MTOR: variants seen among roughly 807,000 people sequenced by gnomAD.
MTOR encodes serine/threonine-protein kinase mTOR.
In MTOR, 70 loss-of-function variants were observed where a neutral mutation model predicts 319.8. The ratio of observed to expected loss-of-function variants is 0.22; its 90% CI spans 0.18 to 0.27. The LOEUF is 0.27. Ranked by LOEUF, MTOR falls within the 10% of genes least tolerant of loss-of-function variation. MTOR has a pLI of 1.00. For missense variants in MTOR, 1,890 were observed against 3,274.4 expected, an observed-to-expected ratio of 0.58 and a Z score of 10.32; for synonymous variants, 1,183 against 1,211.4, an observed-to-expected ratio of 0.98 and a Z score of 0.49.
intron 28 of MTOR, among the ~76,000 whole-genome samples, chr1:11,188,128 C>T (rs183673850): frequency 3.9e-5 from 6 of 152,286 alleles, no homozygotes; most frequent in African/African-American, 7.2e-5. Flanking sequence ...GAAGGACCCA[C>T]GCTGACTACA....
Position 11,115,371 on chromosome 1 carries a change from T to C in MTOR, c.7089+25A>G, listed in dbSNP as rs1445397051. ...AAAGTGATCACCCGGGAAGATGAGG[T>C]TGGGGTTCTAGAACATGTGTTCACC... On this transcript the variant is annotated intron_variant, in intron 51 of 57. Coordinates refer to ENST00000361445, the MANE Select transcript of MTOR (RefSeq NM_004958.4). The surrounding 1 kb of genome is among the most constrained non-coding windows in gnomAD (Gnocchi z 4.5). The C allele has an allele frequency of 6.2e-7, 1 of 1,609,750 alleles. No individual in the cohort carries two copies. The highest frequency in any genetic ancestry group is 1.7e-5 in the Admixed American group (1 of 59,960).
Position 11,212,270 on chromosome 1 carries a change from A to G in MTOR, c.3561+42T>C, listed in dbSNP as rs1341184606. 12 of 1,567,686 alleles carry G rather than the reference A, an allele frequency of 7.7e-6. No homozygotes were observed. Among genetic ancestry groups the G allele is most frequent in the African/African-American group, 1.4e-5 (1 of 73,118 alleles). ...CTCACAGACAAAGTCTTCTTTCCAA[A>G]TAAGGCAGAAGAGCACCTGTCTGTC... On this transcript the variant is annotated intron_variant, in intron 23 of 57. Transcript: ENST00000361445. The surrounding 1 kb of genome is among the most constrained non-coding windows in gnomAD (Gnocchi z 4.1).
chr1:11,150,106 G>A lies in MTOR; in HGVS notation c.4570+20C>T, dbSNP rs372919070. The A allele has an allele frequency of 6.9e-6, 11 of 1,597,774 alleles. No individual in the cohort carries two copies. The highest frequency in any genetic ancestry group is 3.3e-5 in the Admixed American group (2 of 59,970). On this transcript the variant is annotated intron_variant, in intron 31 of 57. Coordinates refer to ENST00000361445, the MANE Select transcript of MTOR (RefSeq NM_004958.4). ...TCACTCACCCCATCCTTCACAGGGT[G>A]CCTGTGAGGGAAGCTTTACCTAAAC...
chr1:11,183,710 T>A (rs1410957628), intron 28 of MTOR, among the ~76,000 whole-genome samples: 2 of 152,218 alleles, frequency 1.3e-5, no homozygotes, highest in African/African-American at 2.4e-5. Flanking sequence ...TAAATTTTAT[T>A]GTTTTACTGT....
At chr1:11,243,757 G>A (rs2100924889) in intron 8 of MTOR, among the ~76,000 whole-genome samples, 1 of 151,478 alleles carries the variant, frequency 6.6e-6, no homozygotes, top group South Asian at 2.1e-4. Context: ...CTCCATTACT[G>A]TTACATTTTC....
rs371066885 is a variant in MTOR at position 11,248,348 on chromosome 1, G to C, written c.841-254C>G. ...AGCAGCAGAGGGCTGCCTTGCCAAGGGTTCTCACCTCCCAGGACTCCTCAC... is the reference window on the plus strand; with the variant it reads ...AGCAGCAGAGGGCTGCCTTGCCAAGCGTTCTCACCTCCCAGGACTCCTCAC... On this transcript the variant is annotated intron_variant, in intron 6 of 57. Transcript: ENST00000361445. Among the ~76,000 whole-genome samples the C allele has an allele frequency of 2.3e-4, 35 of 152,268 alleles. No homozygotes were observed. In the South Asian group the frequency reaches 3.5e-3, roughly 15 times the overall value.
At chr1:11,189,732 G>C (rs28990992) in intron 28 of MTOR, 18,013 of 1,614,128 alleles carry the variant, frequency 0.011, 649 homozygotes, top group African/African-American at 0.074. Context: ...AGGTGAAGGA[G>C]CTCAAGGCCC....
Position 11,213,465 on chromosome 1 carries a change from C to A in MTOR, c.3219G>T (p.Gln1073His). 2 of 1,613,988 alleles carry A rather than the reference C, an allele frequency of 1.2e-6. No individual in the cohort carries two copies. Among genetic ancestry groups the A allele is most frequent in the South Asian group, 1.1e-5 (1 of 91,074 alleles). The stretch of plus-strand genomic sequence containing the variant: ...AGACACGCAGCATGTGTGGGATCAG[C>A]TGGGGCAGGTAGAGCTTAAATTCAC... ...LGGEFKLYLP[Q>H]LIPHMLRVFM... The change falls in exon 21 of 58, where the codon CAG becomes CAT. Residue 1073 changes from glutamine to histidine, a missense_variant. Gln to His is a conservative substitution (Grantham distance 24). Transcript: ENST00000361445.
At position 11,241,563 on chromosome 1, in the gene MTOR, C is replaced by G; in HGVS notation, c.1531G>C (p.Val511Leu). Residue 511 changes from valine (V) to leucine (L), a missense_variant, in exon 10 of 58, where the codon GTG becomes CTG. By Grantham distance (32) the Val-to-Leu change is conservative (BLOSUM62 1). Around this residue, in one of 15 missense-constraint regions of MTOR, gnomAD observed 418 missense variants for 543.1 expected, o/e 0.77. Transcript: ENST00000361445. ...GTTTCTGACACCCACCTTAGTCCCA[C>G]TGCCAGCATGGGCTCCAGCAGCTCC... ...IKELLEPMLA[V>L]GLSPALTAVL... The G allele has an allele frequency of 6.2e-7, 1 of 1,612,658 alleles. No individual in the cohort carries two copies. Among genetic ancestry groups the G allele is most frequent in the Non-Finnish European group, 8.5e-7 (1 of 1,179,108 alleles).
At chr1:11,204,437 T>C in intron 26 of MTOR, 124 bp downstream of exon 26, 1 of 1,314,684 alleles carries the variant, frequency 7.6e-7, no homozygotes, top group South Asian at 1.8e-5. Context: ...TCTCTTTCTT[T>C]GTATCCCACA....
chr1:11,164,006 G>T (rs1444024379), intron 29 of MTOR, among the ~76,000 whole-genome samples: 1 of 152,002 alleles, frequency 6.6e-6, no homozygotes, highest in African/African-American at 2.4e-5. Context: ...CTGGTTTTTT[G>T]AAAAAGATCA....
chr1:11,159,870 G>C (rs1387889282), intron 29 of MTOR, among the ~76,000 whole-genome samples: 4 of 152,064 alleles, frequency 2.6e-5, no homozygotes, highest in African/African-American at 9.7e-5. Context: ...TATGGACCTA[G>C]AGCTTCTTGA....
chr1:11,107,117 A>T lies in MTOR; in HGVS notation c.*368T>A. ...CTGAGTTTGCTGTACCCATGTTGAGAGGAGCAACTAGGTCATTCTTCCATC... is the reference window on the plus strand; with the variant it reads ...CTGAGTTTGCTGTACCCATGTTGAGTGGAGCAACTAGGTCATTCTTCCATC... On this transcript the variant is annotated 3_prime_UTR_variant, in exon 58 of 58. Transcript: ENST00000361445. The T allele has an allele frequency of 7.3e-7, 1 of 1,376,624 alleles. No homozygotes were observed. The highest frequency in any genetic ancestry group is 1.9e-4 in the Middle Eastern group (1 of 5,208). The allele number at this position is 1,376,624 out of a possible 1,614,324, so 85.3% of individuals were successfully genotyped here.
chr1:11,109,796 T>A lies in MTOR; in HGVS notation c.7367-67A>T. On this transcript the variant is annotated intron_variant, in intron 54 of 57. Transcript: ENST00000361445. This position sits in a 1 kb window ranked among gnomAD's most constrained non-coding sequence, Gnocchi z 4.0. ...AAAAGCCACTGTTGGTGTTAGCATCTAATTCTCTACGCACTCTATTCCTTT... is the reference window on the plus strand; with the variant it reads ...AAAAGCCACTGTTGGTGTTAGCATCAAATTCTCTACGCACTCTATTCCTTT... 1 of 1,401,524 alleles carries A rather than the reference T, an allele frequency of 7.1e-7. No homozygotes were observed. The highest frequency in any genetic ancestry group is 1.0e-6 in the Non-Finnish European group (1 of 987,904). 86.8% of individuals were successfully genotyped at this position (1,401,524 alleles called of 1,614,324 possible). A position where few individuals can be genotyped will look rare whatever the true frequency, so the allele number is the denominator to read the frequency against.
intron 18 of MTOR, 62 bp from the exon 19 acceptor site, chr1:11,228,980 C>A (rs1002420426): frequency 1.9e-6 from 3 of 1,586,578 alleles, no homozygotes; most frequent in Admixed American, 3.4e-5. Context: ...TCAGGCAGAG[C>A]ATGGTTAGTA....
intron 53 of MTOR, 61 bp from the exon 54 acceptor site, chr1:11,112,978 G>C (rs1482303638): frequency 1.3e-6 from 2 of 1,520,364 alleles, no homozygotes; most frequent in East Asian, 4.5e-5. Context: ...AAGAAACTTG[G>C]TTATTTTCTT....
chr1:11,232,331 A>C, intron 16 of MTOR, 105 bp downstream of exon 16: 1 of 726,806 alleles, frequency 1.4e-6, no homozygotes, highest in South Asian at 2.1e-5. Flanking sequence ...TATGTGTCAC[A>C]CTCTGTTCTA....
chr1:11,211,058 C>T (rs147911559), intron 23 of MTOR, 152 bp from the exon 24 acceptor site: 5 of 597,400 alleles, frequency 8.4e-6, no homozygotes, highest in African/African-American at 7.4e-5. Flanking sequence ...TCCCATCTCC[C>T]GTTATAATCC....
At chr1:11,164,335 A>G (rs1433040037) in intron 29 of MTOR, among the ~76,000 whole-genome samples, 3 of 106,390 alleles carry the variant, frequency 2.8e-5, no homozygotes, top group African/African-American at 4.9e-5. Flanking sequence ...ACTCTGCCTG[A>G]AAAAAAAAAA....
Sources: allele counts gnomAD v4.1 joint callset (sites outside exome capture counted in the v4.1 genomes callset), GRCh38; gene constraint gnomAD v4.1.1; regional missense constraint gnomAD v4.1.1; non-coding constraint Gnocchi (gnomAD v3.1); transcripts MANE v1.5; gene names NCBI Gene and HGNC (gene_info 2026-07-23, HGNC 2026-07-21).